TRAK1: variants seen among roughly 807,000 people sequenced by gnomAD.
TRAK1 encodes the protein trafficking kinesin-binding protein 1.
TRAK1 carries 33 observed loss-of-function variants against 92.1 expected under a neutral mutation model. The observed-to-expected ratio is 0.36, with a 90% confidence interval of 0.27 to 0.48. The LOEUF (loss-of-function observed/expected upper bound fraction) is 0.48, where lower values mean the gene tolerates loss of function less well. Among genes scored for constraint, TRAK1 ranks in the 20% least tolerant of loss-of-function variants. The pLI, the probability that TRAK1 is intolerant of heterozygous loss-of-function variation, is 0.99. For synonymous variants in TRAK1, 521 were observed against 517.3 expected, an observed-to-expected ratio of 1.01 and a Z score of -0.10; for missense variants, 1,123 against 1,257.9, an observed-to-expected ratio of 0.89 and a Z score of 1.62.
chr3:42,210,414 A>G (rs1317347075), intron 14 of TRAK1: 1 of 1,305,214 alleles, frequency 7.7e-7, no homozygotes, highest in African/African-American at 1.5e-5. Context: ...AAAAAAAAAA[A>G]AAAAAAAAAA....
chr3:42,055,599 A>G (rs1703172658), intron 1 of TRAK1, among the ~76,000 whole-genome samples: 2 of 152,224 alleles, frequency 1.3e-5, no homozygotes, highest in African/African-American at 4.8e-5. Flanking sequence ...AGTAGCTGAG[A>G]TCACAGGCGT....
At chr3:42,016,673 A>G (rs1409784854) in intron 1 of TRAK1, among the ~76,000 whole-genome samples, 1 of 152,196 alleles carries the variant, frequency 6.6e-6, no homozygotes, top group African/African-American at 2.4e-5. Context: ...CGGAGTTTTT[A>G]TAGATGCGAT....
intron 15 of TRAK1, chr3:42,220,740 C>A (rs1710268192): frequency 2.8e-6 from 1 of 358,456 alleles, no homozygotes; most frequent in Admixed American, 6.5e-5. Flanking sequence ...GTCGATGCCC[C>A]TAACCCAGCT....
intron 3 of TRAK1, among the ~76,000 whole-genome samples, chr3:42,181,620 G>T (rs193218865): frequency 3.0e-4 from 46 of 152,336 alleles, no homozygotes; most frequent in African/African-American, 1.1e-3. Flanking sequence ...GATGCATGAA[G>T]GCAATGCAGA....
chr3:42,180,182 C>T (rs7634496), intron 3 of TRAK1, among the ~76,000 whole-genome samples: 83,673 of 151,940 alleles, frequency 0.55, 24,058 homozygotes, highest in East Asian at 0.95. Flanking sequence ...AGAGACACTA[C>T]AATAACGTTT....
At chr3:42,112,415 G>A (rs1259753980) in intron 1 of TRAK1, among the ~76,000 whole-genome samples, 1 of 149,222 alleles carries the variant, frequency 6.7e-6, no homozygotes, top group Non-Finnish European at 1.5e-5. Flanking sequence ...GCGACAGAGC[G>A]AGACTCCATC....
At chr3:42,188,396 G>A (rs901652914) in intron 5 of TRAK1, among the ~76,000 whole-genome samples, 1 of 152,166 alleles carries the variant, frequency 6.6e-6, no homozygotes, top group African/African-American at 2.4e-5. Context: ...AGATTGATTT[G>A]CCCTGGCACA....
chr3:42,107,384 T>C (rs1476941268), intron 1 of TRAK1, among the ~76,000 whole-genome samples: 1 of 152,044 alleles, frequency 6.6e-6, no homozygotes, highest in Non-Finnish European at 1.5e-5. Context: ...TGGTGGTGCG[T>C]GCCTGTAGTC....
chr3:42,165,157 G>A (rs1701705476), intron 2 of TRAK1, among the ~76,000 whole-genome samples: 1 of 152,182 alleles, frequency 6.6e-6, no homozygotes, highest in Admixed American at 6.5e-5. Context: ...TCTGGAGTTT[G>A]CTGAGTGTTC....
At chr3:42,179,454 A>G (rs1455845956) in intron 3 of TRAK1, among the ~76,000 whole-genome samples, 1 of 152,216 alleles carries the variant, frequency 6.6e-6, no homozygotes, top group African/African-American at 2.4e-5. Flanking sequence ...GGGGAAGAGG[A>G]TGCTGTGGCT....
chr3:42,117,659 C>T (rs1378247093), intron 1 of TRAK1, among the ~76,000 whole-genome samples: 19 of 152,146 alleles, frequency 1.2e-4, no homozygotes, highest in Non-Finnish European at 1.5e-5. Flanking sequence ...CCCTCAAGCT[C>T]CAGCGTGCAG....
At chr3:42,111,539 G>A (rs1288692948) in intron 1 of TRAK1, among the ~76,000 whole-genome samples, 1 of 152,008 alleles carries the variant, frequency 6.6e-6, no homozygotes, top group Non-Finnish European at 1.5e-5. Context: ...GGGACTACAG[G>A]CGCCCACTAC....
At chr3:42,127,851 T>C (rs1710789007) in intron 2 of TRAK1, among the ~76,000 whole-genome samples, 1 of 152,158 alleles carries the variant, frequency 6.6e-6, no homozygotes, top group Admixed American at 6.5e-5. Flanking sequence ...GTTTACTCCA[T>C]GACACTGAGC....
chr3:42,108,389 G>A (rs1707878342), intron 1 of TRAK1, among the ~76,000 whole-genome samples: 1 of 151,142 alleles, frequency 6.6e-6, no homozygotes, highest in African/African-American at 2.4e-5. Context: ...TACTTGGGAA[G>A]CTGAGGTGGG....
intron 1 of TRAK1, among the ~76,000 whole-genome samples, chr3:42,056,529 G>C (rs1376721824): frequency 6.6e-6 from 1 of 152,090 alleles, no homozygotes; most frequent in Admixed American, 6.5e-5. Flanking sequence ...TTCAACAGAA[G>C]CAGAAATATT....
intron 2 of TRAK1, among the ~76,000 whole-genome samples, chr3:42,155,553 G>A (rs530001576): frequency 5.9e-5 from 9 of 152,302 alleles, no homozygotes; most frequent in African/African-American, 2.2e-4. Flanking sequence ...TGTTTGAGGT[G>A]TGGTGGGAAG....
At chr3:42,136,428 C>T (rs1697960076) in intron 2 of TRAK1, among the ~76,000 whole-genome samples, 1 of 152,008 alleles carries the variant, frequency 6.6e-6, no homozygotes, top group Non-Finnish European at 1.5e-5. Context: ...CATTTGAGAC[C>T]AAGCTGGGCA....
chr3:42,057,603 T>TG (rs1178012894), intron 1 of TRAK1, among the ~76,000 whole-genome samples: 1 of 152,118 alleles, frequency 6.6e-6, no homozygotes, highest in African/African-American at 2.4e-5. Context: ...TGCAGTTTCC[T>TG]GGGGAGGTTT....
At chr3:42,176,486 C>G (rs1415277961) in intron 2 of TRAK1, among the ~76,000 whole-genome samples, 1 of 152,178 alleles carries the variant, frequency 6.6e-6, no homozygotes, top group Non-Finnish European at 1.5e-5. Flanking sequence ...GCCCCCACCC[C>G]ACCTACTTCA....
Sources: gnomAD v4.1 joint callset for allele counts (sites outside exome capture counted in the v4.1 genomes callset) on GRCh38, gnomAD v4.1.1 for gene constraint, MANE v1.5 for transcripts, NCBI Gene and HGNC (gene_info 2026-07-23, HGNC 2026-07-21) for gene names.